Variants in ANO10 observed in about 807,000 individuals in gnomAD.
ANO10 encodes anoctamin 10.
Under a neutral mutation model 74.7 loss-of-function variants are expected in ANO10, and 77 were observed. The observed-to-expected ratio is 1.03, with a 90% CI of 0.86 to 1.25. ANO10 has a LOEUF of 1.25. Among genes scored for constraint, ANO10 ranks in the 50% most tolerant of loss-of-function variants. The pLI, the probability that ANO10 is intolerant of heterozygous loss-of-function variation, is 0.00. For synonymous variants in ANO10, 279 were observed against 284.9 expected (o/e 0.98, Z 0.21); for missense variants, 721 against 778.1 (o/e 0.93, Z 0.87).
chr3:43,556,150 T>C (rs527709406), intron 9 of ANO10, among the ~76,000 whole-genome samples: 17 of 152,204 alleles, frequency 1.1e-4, no homozygotes, highest in Admixed American at 3.9e-4. Flanking sequence ...CCCAGTGACA[T>C]TGCATCAATC....
At chr3:43,507,339 A>G (rs573270820) in intron 11 of ANO10, among the ~76,000 whole-genome samples, 1 of 152,088 alleles carries the variant, frequency 6.6e-6, no homozygotes, top group South Asian at 2.1e-4. Context: ...AGGGAATAAG[A>G]AGTGTTCAGC....
At chr3:43,661,932 C>T (rs997174844) in intron 1 of ANO10, among the ~76,000 whole-genome samples, 3 of 152,166 alleles carry the variant, frequency 2.0e-5, no homozygotes, top group African/African-American at 4.8e-5. Context: ...TACAAAGAGA[C>T]TTAGATTCCC....
chr3:43,519,198 G>A (rs187261230), intron 11 of ANO10, among the ~76,000 whole-genome samples: 1 of 152,236 alleles, frequency 6.6e-6, no homozygotes, highest in African/African-American at 2.4e-5. Flanking sequence ...CAGTAGGCAA[G>A]ATCCCTCAAG....
chr3:43,428,796 C>CAAAAAAAAAAAAAAAAAAAAAAAAAAA (rs56213626), intron 12 of ANO10, among the ~76,000 whole-genome samples: 1 of 55,424 alleles, frequency 1.8e-5, no homozygotes, highest in African/African-American at 6.7e-5. Flanking sequence ...TTTGTGAATG[C>CAAAAAAAAAAAAAAAAAAAAAAAAAAA]AAAAAAAAAA....
chr3:43,375,362 C>T (rs924184595), intron 12 of ANO10, among the ~76,000 whole-genome samples: 6 of 152,094 alleles, frequency 3.9e-5, no homozygotes, highest in African/African-American at 9.7e-5. Flanking sequence ...GTAGGAGAAT[C>T]GCTTGAACCC....
chr3:43,623,514 G>A (rs2083461776), upstream of ANO10, among the ~76,000 whole-genome samples: 2 of 152,196 alleles, frequency 1.3e-5, no homozygotes. Flanking sequence ...TAGGTCCATA[G>A]CAGACAAGCA....
chr3:43,383,474 AGG>A (rs2092030695), intron 12 of ANO10, among the ~76,000 whole-genome samples: 1 of 149,002 alleles, frequency 6.7e-6, no homozygotes. Flanking sequence ...AAAAAAAAAA[AGG>A]ATACTCCACC....
chr3:43,536,753 C>T (rs17075787), intron 11 of ANO10, among the ~76,000 whole-genome samples: 2,200 of 152,116 alleles, frequency 0.014, 139 homozygotes, highest in Admixed American at 0.11. Context: ...AACTGGTTTT[C>T]GGTTGCCTTG....
chr3:43,417,709 G>A (rs1209759066), intron 12 of ANO10, among the ~76,000 whole-genome samples: 1 of 152,058 alleles, frequency 6.6e-6, no homozygotes, highest in Non-Finnish European at 1.5e-5. Context: ...GCTATATTGC[G>A]ACCTGACAGG....
chr3:43,544,796 T>TAA (rs556665373), intron 11 of ANO10, among the ~76,000 whole-genome samples: 6 of 110,932 alleles, frequency 5.4e-5, no homozygotes, highest in Admixed American at 9.7e-5. Context: ...CTGTCTGAAA[T>TAA]AAAAAAAAAA....
intron 12 of ANO10, among the ~76,000 whole-genome samples, chr3:43,370,287 T>C (rs1044763964): frequency 6.6e-6 from 1 of 152,220 alleles, no homozygotes; most frequent in Non-Finnish European, 1.5e-5. Flanking sequence ...CCTGGTTAAA[T>C]GCAGGCCCTG....
intron 11 of ANO10, among the ~76,000 whole-genome samples, chr3:43,504,161 G>C (rs1460426852): frequency 1.3e-5 from 2 of 152,124 alleles, no homozygotes; most frequent in East Asian, 3.9e-4. Context: ...CCAGCTACTC[G>C]GGATGCTGAG....
At chr3:43,368,914 A>G (rs975222966) in intron 12 of ANO10, among the ~76,000 whole-genome samples, 1 of 152,224 alleles carries the variant, frequency 6.6e-6, no homozygotes, top group African/African-American at 2.4e-5. Context: ...TCTTGCAGCC[A>G]CATTTCCCTG....
intron 1 of ANO10, among the ~76,000 whole-genome samples, chr3:43,616,546 G>A (rs1431889713): frequency 1.3e-5 from 2 of 152,190 alleles, no homozygotes; most frequent in Admixed American, 6.5e-5. Context: ...AATCATGTAG[G>A]TAGAGGGAAG....
chr3:43,495,079 T>G (rs1559612659), intron 11 of ANO10, among the ~76,000 whole-genome samples: 1 of 151,372 alleles, frequency 6.6e-6, no homozygotes, highest in African/African-American at 2.4e-5. Flanking sequence ...GACAAAAAGG[T>G]CAGTGAAATA....
Position 43,540,459 on chromosome 3 carries a change from G to A in ANO10, c.1797+9261C>T, listed in dbSNP as rs190333499. Among the ~76,000 whole-genome samples, 3 of 152,256 alleles carry A rather than the reference G, an allele frequency of 2.0e-5. No homozygotes were observed. In the East Asian group the frequency reaches 5.8e-4, roughly 29 times the overall value. On this transcript the variant is annotated intron_variant, in intron 11 of 12. Coordinates refer to ENST00000292246, the MANE Select transcript of ANO10 (RefSeq NM_018075.5). ...GATTTTTCCCTAATCTTTTATAATT[G>A]TCTCATCTTTATTCAATCTGACAGC...
At chr3:43,635,928 T>G (rs1046148119) in intron 1 of ANO10, among the ~76,000 whole-genome samples, 1 of 152,120 alleles carries the variant, frequency 6.6e-6, no homozygotes, top group Admixed American at 6.5e-5. Flanking sequence ...CCAGCTCTGA[T>G]ATCTTCTCTT....
chr3:43,627,297 C>T (rs896494718), intron 1 of ANO10, among the ~76,000 whole-genome samples: 9 of 152,334 alleles, frequency 5.9e-5, no homozygotes, highest in South Asian at 2.1e-4. Context: ...CTTACCAAAT[C>T]GGTGGAAGGC....
rs955172029 is a variant in ANO10, at chr3:43,474,961, T to C, written c.1798-42234A>G. 2.4e-4 allele frequency among the ~76,000 whole-genome samples: 36 copies of C among 152,116 alleles called. 1 individual carries two copies. Among genetic ancestry groups the C allele is most frequent in the Non-Finnish European group, 1.3e-4 (9 of 68,018 alleles). ...TGATTATTTAAATATATAATCACTA[T>C]AGTAGGAGAAAAGAAAGAAACACAG... On this transcript the variant is annotated intron_variant, in intron 11 of 12. Transcript: ENST00000292246.
Sources: allele counts gnomAD v4.1 joint callset (sites outside exome capture counted in the v4.1 genomes callset), GRCh38; gene constraint gnomAD v4.1.1; transcripts MANE v1.5; gene names NCBI Gene and HGNC (gene_info 2026-07-23, HGNC 2026-07-21).